Variants in FAT3 observed in about 807,000 individuals in gnomAD.
FAT3 encodes the protein FAT atypical cadherin 3, also known as protocadherin Fat 3.
In FAT3, 95 loss-of-function variants were observed where a neutral mutation model predicts 310.2. The observed-to-expected ratio is 0.31, with a 90% CI of 0.26 to 0.36. FAT3 has a LOEUF of 0.36. Among genes scored for constraint, FAT3 ranks in the 10% least tolerant of loss-of-function variants. The pLI, the probability that FAT3 is intolerant of heterozygous loss-of-function variation, is 1.00. For synonymous variants in FAT3, 2,314 were observed against 2,192.9 expected (o/e 1.06, Z -1.54); for missense variants, 5,408 against 5,715.6 (o/e 0.95, Z 1.74).
chr11:92,272,549 G>C (rs895795149), intron 1 of FAT3, among the ~76,000 whole-genome samples: 2 of 152,014 alleles, frequency 1.3e-5, no homozygotes, highest in African/African-American at 4.8e-5. Flanking sequence ...TATGAGTTAG[G>C]CCAGTAGAAA....
Position 92,882,760 on chromosome 11 carries a change from T to G in FAT3, c.12304T>G (p.Cys4102Gly). 6.2e-7 allele frequency: 1 copy of G among 1,608,456 alleles called. No homozygotes were observed. The highest frequency in any genetic ancestry group is 8.5e-7 in the Non-Finnish European group (1 of 1,177,324). Residue 4102 changes from cysteine to glycine, a missense_variant, in exon 24 of 28, where the codon TGC becomes GGC. Transcript: ENST00000525166. ...GVTCEEDINECEREECENGGS... is the reference protein window; with the variant it reads ...GVTCEEDINEGEREECENGGS... ...CAGGTGTGAGGAGGACATCAATGAGTGCGAACGAGAGGAGTGTGAGAACGG... is the reference window on the plus strand; with the variant it reads ...CAGGTGTGAGGAGGACATCAATGAGGGCGAACGAGAGGAGTGTGAGAACGG...
chr11:92,745,717 A>G (rs1261683916), intron 4 of FAT3, among the ~76,000 whole-genome samples: 1 of 152,220 alleles, frequency 6.6e-6, no homozygotes, highest in Non-Finnish European at 1.5e-5. Flanking sequence ...GATCTTTCTG[A>G]AAAAGCTGCC....
chr11:92,538,153 T>C (rs1355700108), intron 3 of FAT3, among the ~76,000 whole-genome samples: 1 of 152,186 alleles, frequency 6.6e-6, no homozygotes, highest in Non-Finnish European at 1.5e-5. Flanking sequence ...ATGTTATCTA[T>C]AGTGTTCTAT....
intron 5 of FAT3, 35 bp downstream of exon 5, chr11:92,762,205 G>C (rs371260654): frequency 5.4e-5 from 85 of 1,561,884 alleles, no homozygotes; most frequent in Non-Finnish European, 6.4e-5. Flanking sequence ...CACAGCAGAT[G>C]GGGGGAAGTG....
intron 12 of FAT3, 50 bp downstream of exon 12, chr11:92,806,565 G>A: frequency 2.7e-6 from 4 of 1,471,624 alleles, no homozygotes; most frequent in Non-Finnish European, 3.7e-6. Context: ...ATTCATGAGA[G>A]AAGTTAAACT....
intron 4 of FAT3, among the ~76,000 whole-genome samples, chr11:92,752,378 C>G (rs1189065647): frequency 1.3e-5 from 2 of 152,218 alleles, no homozygotes; most frequent in Non-Finnish European, 2.9e-5. Context: ...GACCTTTAAC[C>G]AGTTCATAAT....
intron 2 of FAT3, among the ~76,000 whole-genome samples, chr11:92,512,701 C>A (rs551613229): frequency 6.6e-6 from 1 of 150,630 alleles, no homozygotes; most frequent in South Asian, 2.1e-4. Context: ...TGGCATGGAA[C>A]TTAACATGAG....
At chr11:92,723,352 A>T (rs900733557) in intron 4 of FAT3, among the ~76,000 whole-genome samples, 1 of 152,116 alleles carries the variant, frequency 6.6e-6, no homozygotes, top group East Asian at 1.9e-4. Flanking sequence ...CAAGTTCCTC[A>T]TCTCCATCTC....
At chr11:92,484,682 T>C (rs1952324326) in intron 2 of FAT3, among the ~76,000 whole-genome samples, 1 of 152,216 alleles carries the variant, frequency 6.6e-6, no homozygotes, top group Non-Finnish European at 1.5e-5. Flanking sequence ...CACAGCTTAT[T>C]GTTTGTAAGT....
In FAT3 at chr11:92,893,893, A is replaced by T. The variant is rs1180494176; in HGVS notation, c.*2780A>T. The T allele has an allele frequency of 6.6e-6, 1 of 152,246 alleles. No homozygotes were observed. The highest frequency in any genetic ancestry group is 2.4e-5 in the African/African-American group (1 of 41,466). The allele number at this position is 152,246 out of a possible 1,614,324, so 9.4% of individuals were successfully genotyped here. ...AAAAGCTGGAAGAATCCTATTTGCT[A>T]GTCCAAACTCCTTATTTTATCAAAG... On this transcript the variant is annotated 3_prime_UTR_variant, in exon 28 of 28. Transcript: ENST00000525166.
At chr11:92,256,905 A>G (rs1055043786) in intron 1 of FAT3, among the ~76,000 whole-genome samples, 1 of 152,124 alleles carries the variant, frequency 6.6e-6, no homozygotes, top group East Asian at 1.9e-4. Context: ...GACCACAATT[A>G]GGCTGTAAAT....
intron 3 of FAT3, among the ~76,000 whole-genome samples, chr11:92,535,398 A>G (rs980694733): frequency 6.6e-5 from 10 of 152,180 alleles, no homozygotes; most frequent in African/African-American, 2.4e-4. Context: ...ACTCTATGAG[A>G]ATAAATATCT....
chr11:92,852,942 C>A (rs1460739789), intron 19 of FAT3, among the ~76,000 whole-genome samples: 1 of 152,212 alleles, frequency 6.6e-6, no homozygotes, highest in African/African-American at 2.4e-5. Flanking sequence ...AAGTGAGGAA[C>A]CCTGTTGTCA....
chr11:92,827,154 C>T (rs1948123437), intron 13 of FAT3, among the ~76,000 whole-genome samples: 1 of 152,150 alleles, frequency 6.6e-6, no homozygotes, highest in African/African-American at 2.4e-5. Context: ...GTGTAAGGAC[C>T]TGTATAACTG....
intron 2 of FAT3, among the ~76,000 whole-genome samples, chr11:92,439,643 T>C (rs1231271452): frequency 6.6e-6 from 1 of 152,090 alleles, no homozygotes; most frequent in African/African-American, 2.4e-5. Context: ...AGGCCAGGCA[T>C]GGTGGCTTAC....
rs1303404838 is a variant in FAT3, at chr11:92,895,486, G to C, written c.*4373G>C. On this transcript the variant is annotated 3_prime_UTR_variant, in exon 28 of 28. Coordinates refer to ENST00000525166, the MANE Select transcript of FAT3 (RefSeq NM_001367949.2). ...TACAAGTAGGTAATAATACACAAAG[G>C]CCATAATTAGTCTCTTCTAGTGTTT... The C allele has an allele frequency of 6.6e-6, 1 of 152,138 alleles. No homozygotes were observed. Among genetic ancestry groups the C allele is most frequent in the Admixed American group, 6.5e-5 (1 of 15,274 alleles). The allele number at this position is 152,138 out of a possible 1,614,324, so 9.4% of individuals were successfully genotyped here.
At chr11:92,754,728 C>T (rs894170950) in intron 4 of FAT3, among the ~76,000 whole-genome samples, 4 of 142,296 alleles carry the variant, frequency 2.8e-5, no homozygotes, top group Admixed American at 7.1e-5. Context: ...ATTAGCTGGG[C>T]GTGGTGGTGT....
intron 1 of FAT3, among the ~76,000 whole-genome samples, chr11:92,225,507 C>T (rs955876463): frequency 1.6e-4 from 24 of 152,186 alleles, no homozygotes; most frequent in South Asian, 2.1e-4. Flanking sequence ...TGCACCCATC[C>T]CCGGCTCCCA....
chr11:92,839,238 A>T (rs150085923), intron 17 of FAT3, among the ~76,000 whole-genome samples: 3 of 152,182 alleles, frequency 2.0e-5, no homozygotes, highest in Non-Finnish European at 4.4e-5. Context: ...TGGGGCCCCT[A>T]TCCGCAGGGC....
Sources: gnomAD v4.1 joint callset for allele counts (sites outside exome capture counted in the v4.1 genomes callset) on GRCh38, gnomAD v4.1.1 for gene constraint, MANE v1.5 for transcripts, NCBI Gene and HGNC (gene_info 2026-07-23, HGNC 2026-07-21) for gene names.